Variants in DNAH2 observed in about 807,000 individuals in gnomAD.
The protein encoded by DNAH2 is dynein axonemal heavy chain 2.
A neutral mutation model predicts 523.5 loss-of-function variants in DNAH2; 323 were observed. The ratio of observed to expected loss-of-function variants is 0.62; its 90% CI spans 0.56 to 0.68. The LOEUF (loss-of-function observed/expected upper bound fraction) is 0.68, where lower values mean the gene tolerates loss of function less well. DNAH2 is among the 30% of genes least tolerant of loss of function. DNAH2 has a pLI of 0.00. For synonymous variants in DNAH2, 2,093 were observed against 2,177.4 expected, an observed-to-expected ratio of 0.96 and a Z score of 1.08; for missense variants, 4,907 against 5,701.5, an observed-to-expected ratio of 0.86 and a Z score of 4.49.
At chr17:7,743,590 C>T (rs1017578200) in intron 12 of DNAH2, 9 of 498,154 alleles carry the variant, frequency 1.8e-5, no homozygotes, top group East Asian at 7.1e-5. Flanking sequence ...CGCCTGAGCC[C>T]GGGAGGCAGA....
chr17:7,723,426 C>A (rs1376928893), intron 2 of DNAH2, among the ~76,000 whole-genome samples: 1 of 151,462 alleles, frequency 6.6e-6, no homozygotes, highest in Admixed American at 6.6e-5. Flanking sequence ...ACACCCGCCA[C>A]CACACCTGGC....
At chr17:7,769,211 G>C (rs1037094033) in intron 24 of DNAH2, among the ~76,000 whole-genome samples, 3 of 152,106 alleles carry the variant, frequency 2.0e-5, no homozygotes, top group Non-Finnish European at 2.9e-5. Context: ...GCCCTGGCTG[G>C]GGTGCAGTGC....
At chr17:7,809,524 C>T (rs963310754) in intron 63 of DNAH2, among the ~76,000 whole-genome samples, 3 of 152,194 alleles carry the variant, frequency 2.0e-5, no homozygotes, top group African/African-American at 4.8e-5. Context: ...TGCTCTTTTA[C>T]TCTGTCTTTT....
intron 4 of DNAH2, among the ~76,000 whole-genome samples, chr17:7,730,737 A>G (rs62062611): frequency 0.11 from 16,462 of 151,696 alleles, 1,006 homozygotes; most frequent in Non-Finnish European, 0.12. Context: ...GGAGGCGGAG[A>G]TTGCAGCAAG....
In DNAH2 at chr17:7,717,877, A is replaced by T. The variant is rs1203064766; in HGVS notation, c.-937A>T. 2 of 151,108 alleles carry T rather than the reference A, an allele frequency of 1.3e-5. No homozygotes were observed. Among genetic ancestry groups the T allele is most frequent in the African/African-American group, 2.5e-5 (1 of 40,812 alleles). 9.4% of individuals were successfully genotyped at this position (151,108 alleles called of 1,614,324 possible). A position where few individuals can be genotyped will look rare whatever the true frequency, so the allele number is the denominator to read the frequency against. ...GAAGGAGGGAAGGAGTGCTGGGGAG[A>T]AGGGGCAGTAGTGTCGGGGTAGGAA... On this transcript the variant is annotated 5_prime_UTR_variant, in exon 1 of 86. Coordinates refer to ENST00000572933, the MANE Select transcript of DNAH2 (RefSeq NM_020877.5).
At position 7,792,016 on chromosome 17, in the gene DNAH2, C is replaced by A; in HGVS notation, c.7000C>A (p.Arg2334=). Residue 2334 remains arginine, a synonymous_variant, in exon 45 of 86, where the codon CGG becomes AGG. Coordinates refer to ENST00000572933, the MANE Select transcript of DNAH2 (RefSeq NM_020877.5). ...GTGTGCCTCTGTGGATGAGGAGGGC[C>A]GGAAGAGGATCGACAGCTACCTCCG... The part of the protein sequence containing the change: ...SVCASVDEEG[R]KRIDSYLREI... 1 of 1,613,790 alleles carries A rather than the reference C, an allele frequency of 6.2e-7. No homozygotes were observed. Among genetic ancestry groups the A allele is most frequent in the South Asian group, 1.1e-5 (1 of 91,018 alleles).
At chr17:7,732,644 G>A (rs2075023287) in intron 4 of DNAH2, among the ~76,000 whole-genome samples, 1 of 152,168 alleles carries the variant, frequency 6.6e-6, no homozygotes, top group Non-Finnish European at 1.5e-5. Context: ...TGAAGCATAT[G>A]TGTAAAATTT....
intron 3 of DNAH2, among the ~76,000 whole-genome samples, chr17:7,724,937 T>C (rs1046592074): frequency 3.3e-5 from 5 of 151,702 alleles, no homozygotes; most frequent in African/African-American, 1.2e-4. Flanking sequence ...GAGGCGGGGT[T>C]TTGTCATATC....
chr17:7,822,622 C>CTAGA (rs143022435), intron 73 of DNAH2, among the ~76,000 whole-genome samples: 5,087 of 152,044 alleles, frequency 0.033, 301 homozygotes, highest in African/African-American at 0.12. Flanking sequence ...AGATAATTTA[C>CTAGA]TTATTTGTTA....
At chr17:7,775,051 AC>A in intron 29 of DNAH2, 75 bp downstream of exon 29, 1 of 1,457,462 alleles carries the variant, frequency 6.9e-7, no homozygotes, top group East Asian at 2.3e-5. Context: ...TTTGGAGGGG[AC>A]CCTGCCCTCC....
At chr17:7,827,571 G>C in intron 77 of DNAH2, among the ~76,000 whole-genome samples, 1 of 151,730 alleles carries the variant, frequency 6.6e-6, no homozygotes, top group East Asian at 1.9e-4. Flanking sequence ...TCAGTCTCCT[G>C]AGTAGCTGAG....
At chr17:7,769,898 C>T (rs2076269033) in intron 24 of DNAH2, among the ~76,000 whole-genome samples, 1 of 152,186 alleles carries the variant, frequency 6.6e-6, no homozygotes, top group African/African-American at 2.4e-5. Context: ...TCAGTTTTCT[C>T]ATCTGTAAAT....
intron 20 of DNAH2, among the ~76,000 whole-genome samples, chr17:7,765,054 C>T (rs765470285): frequency 4.6e-5 from 7 of 152,126 alleles, no homozygotes; most frequent in Non-Finnish European, 8.8e-5. Flanking sequence ...CCACCACACC[C>T]GGCCAGGGTT....
chr17:7,787,059 G>A (rs2076759369), intron 42 of DNAH2, 26 bp downstream of exon 42: 2 of 1,612,110 alleles, frequency 1.2e-6, no homozygotes, highest in South Asian at 1.1e-5. Flanking sequence ...GACTCCTGGA[G>A]GCCTGCAGAG....
chr17:7,736,719 C>T (rs186449466), intron 7 of DNAH2, among the ~76,000 whole-genome samples: 146 of 152,274 alleles, frequency 9.6e-4, no homozygotes, highest in Non-Finnish European at 1.7e-3. Context: ...TGGTGGCTCA[C>T]GCCTGTAATC....
chr17:7,775,354 T>G lies in DNAH2; in HGVS notation c.4821+12T>G. ...AAGGCCCTGTGGAGGTGAGTTGTGG[T>G]GAGGGTCTGAGGACCTAGCTGATTC... On this transcript the variant is annotated intron_variant, in intron 30 of 85. Coordinates refer to ENST00000572933, the MANE Select transcript of DNAH2 (RefSeq NM_020877.5). The G allele has an allele frequency of 6.2e-7, 1 of 1,602,496 alleles. No individual in the cohort carries two copies. The highest frequency in any genetic ancestry group is 8.5e-7 in the Non-Finnish European group (1 of 1,173,122).
At chr17:7,784,226 A>C (rs2076676167) in intron 39 of DNAH2, among the ~76,000 whole-genome samples, 1 of 152,210 alleles carries the variant, frequency 6.6e-6, no homozygotes, top group East Asian at 1.9e-4. Flanking sequence ...CAAATTTTGC[A>C]CAATTACAAG....
In DNAH2 at chr17:7,781,178, C is replaced by A; in HGVS notation, c.6129+11C>A. On this transcript the variant is annotated intron_variant, in intron 39 of 85. Transcript: ENST00000572933. Reference sequence around the variant, plus strand: ...ATTGACTATGGCAAGGTATTTGTTCCTTAATACTCTCCCTGACCGGGTGCT... The same window carrying A: ...ATTGACTATGGCAAGGTATTTGTTCATTAATACTCTCCCTGACCGGGTGCT... 1 of 1,614,084 alleles carries A rather than the reference C, an allele frequency of 6.2e-7. No homozygotes were observed. The highest frequency in any genetic ancestry group is 8.5e-7 in the Non-Finnish European group (1 of 1,180,004).
At position 7,766,170 on chromosome 17, in the gene DNAH2, T is replaced by C. The variant is rs533802622; in HGVS notation, c.3512-148T>C. 216 of 770,478 alleles carry C rather than the reference T, an allele frequency of 2.8e-4. 2 individuals carry two copies. In the African/African-American group the frequency reaches 3.4e-3, roughly 12 times the overall value. 47.7% of individuals were successfully genotyped at this position (770,478 alleles called of 1,614,324 possible). A position where few individuals can be genotyped will look rare whatever the true frequency, so the allele number is the denominator to read the frequency against. ...AGTTTTTGCTAAGATTAACCGTTAT[T>C]CTTTCAACGCGTTCCCTCTTACTCT... On this transcript the variant is annotated intron_variant, in intron 21 of 85. Coordinates refer to ENST00000572933, the MANE Select transcript of DNAH2 (RefSeq NM_020877.5).
Sources: gnomAD v4.1 joint callset for allele counts (sites outside exome capture counted in the v4.1 genomes callset) on GRCh38, gnomAD v4.1.1 for gene constraint, MANE v1.5 for transcripts, NCBI Gene and HGNC (gene_info 2026-07-23, HGNC 2026-07-21) for gene names.